HHIPL2: variants seen among roughly 807,000 people sequenced by gnomAD.
The protein encoded by HHIPL2 is HHIP-like protein 2.
Under a neutral mutation model 61.0 loss-of-function variants are expected in HHIPL2, and 61 were observed. That is an observed-to-expected ratio of 1.00 (90% CI 0.81 to 1.24). The LOEUF is 1.24. Ranked by LOEUF, HHIPL2 falls within the 50% of genes most tolerant of loss-of-function variation. HHIPL2 has a pLI of 0.00. For missense variants in HHIPL2, 885 were observed against 910.2 expected, an observed-to-expected ratio of 0.97 and a Z score of 0.36; for synonymous variants, 343 against 357.4, an observed-to-expected ratio of 0.96 and a Z score of 0.45.
rs574300642 is a variant in HHIPL2, at chr1:222,543,776, G to A, written c.735C>T (p.Leu245=). 3 of 1,614,114 alleles carry A rather than the reference G, an allele frequency of 1.9e-6. No homozygotes were observed. Among genetic ancestry groups the A allele is most frequent in the South Asian group, 1.1e-5 (1 of 91,078 alleles). The change falls in exon 2 of 9, where the codon CTC becomes CTT. Residue 245 remains leucine (L), a synonymous_variant. Transcript: ENST00000343410. ...GTTGCTCCAGGCGACTCCCATCAGG[G>A]AGGTAGACCCACACCACTCCTACCT... ...AEQVGVVWVY[L]PDGSRLEQPF... is the part of the protein sequence containing the mutation.
At chr1:222,535,362 T>A (rs1436346710) in intron 5 of HHIPL2, among the ~76,000 whole-genome samples, 1 of 152,320 alleles carries the variant, frequency 6.6e-6, no homozygotes, top group Admixed American at 6.5e-5. Flanking sequence ...GATAGAAACA[T>A]GCATCTACCC....
Position 222,544,013 on chromosome 1 carries a change from G to A in HHIPL2, c.498C>T (p.Thr166=). Residue 166 remains threonine (T), a synonymous_variant, in exon 2 of 9, where the codon ACC becomes ACT. Transcript: ENST00000343410. ...GAAGGTCCAGGAGGTGGCAGAAGCG[G>A]GTACCGTCCCTTCCATGAGACTCCT... ...GLQESHGRDG[T]RFCHLLDLPD... 3 of 1,614,096 alleles carry A rather than the reference G, an allele frequency of 1.9e-6. No individual in the cohort carries two copies. In the Admixed American group the frequency reaches 5.0e-5, roughly 27 times the overall value.
intron 4 of HHIPL2, among the ~76,000 whole-genome samples, chr1:222,539,335 T>C (rs1162559720): frequency 6.6e-6 from 1 of 151,638 alleles, no homozygotes; most frequent in East Asian, 1.9e-4. Flanking sequence ...ATCGAGACCA[T>C]CCTGGCCAAC....
At chr1:222,539,891 A>G (rs1279684925) in intron 4 of HHIPL2, 119 bp downstream of exon 4, 3 of 811,024 alleles carry the variant, frequency 3.7e-6, no homozygotes, top group Non-Finnish European at 5.9e-6. Flanking sequence ...ACACCACAGG[A>G]CACAAACAAG....
chr1:222,530,010 C>CTCTGGA (rs2102612269), intron 6 of HHIPL2, among the ~76,000 whole-genome samples: 1 of 152,278 alleles, frequency 6.6e-6, no homozygotes, highest in South Asian at 2.1e-4. Flanking sequence ...AACACAAGAG[C>CTCTGGA]AAGCAACTCT....
In HHIPL2 at chr1:222,541,998, C is replaced by T. The variant is rs552797798; in HGVS notation, c.1118+14G>A. ...ACTCTGAAGGGACAAGGGCCCGGCC[C>T]CCATCCAGCTTACTTGTTCTGAGCA... On this transcript the variant is annotated intron_variant, in intron 3 of 8. Transcript: ENST00000343410. 3.8e-6 allele frequency: 6 copies of T among 1,595,722 alleles called. No individual in the cohort carries two copies. Among genetic ancestry groups the T allele is most frequent in the African/African-American group, 1.4e-5 (1 of 73,672 alleles).
intron 5 of HHIPL2, among the ~76,000 whole-genome samples, chr1:222,538,328 T>C (rs1185944051): frequency 6.6e-6 from 1 of 151,254 alleles, no homozygotes; most frequent in Non-Finnish European, 1.5e-5. Context: ...GGAGACCCGA[T>C]CCCTTTGGCA....
chr1:222,526,127 G>A (rs538805452), intron 7 of HHIPL2, among the ~76,000 whole-genome samples: 1 of 152,254 alleles, frequency 6.6e-6, no homozygotes, highest in Non-Finnish European at 1.5e-5. Flanking sequence ...CTCTCAAGTG[G>A]GAAGTGGTAT....
intron 6 of HHIPL2, 23 bp from the exon 7 acceptor site, chr1:222,527,073 G>A: frequency 1.3e-6 from 2 of 1,571,262 alleles, no homozygotes; most frequent in Non-Finnish European, 1.7e-6. Flanking sequence ...AAATAGACAG[G>A]CAATAATGGG....
At chr1:222,536,640 C>G (rs1057449283) in intron 5 of HHIPL2, among the ~76,000 whole-genome samples, 4 of 152,188 alleles carry the variant, frequency 2.6e-5, no homozygotes, top group African/African-American at 7.2e-5. Context: ...CCTGTTTACC[C>G]TGATTCCAAA....
At chr1:222,527,661 C>A (rs1257835415) in intron 6 of HHIPL2, among the ~76,000 whole-genome samples, 2 of 152,142 alleles carry the variant, frequency 1.3e-5, no homozygotes, top group Non-Finnish European at 2.9e-5. Flanking sequence ...ACCCAAATCT[C>A]ATCTTGAATG....
rs773558257 is a variant in HHIPL2 at position 222,543,695 on chromosome 1, T to C, written c.816A>G (p.Arg272=). ...VLTTPWIGDE[R]GFLGLAFHPK... ...GGTGAAAAGCCAACCCCAAGAAGCCTCTCTCATCCCCGATCCATGGGGTGG... is the reference window on the plus strand; with the variant it reads ...GGTGAAAAGCCAACCCCAAGAAGCCCCTCTCATCCCCGATCCATGGGGTGG... The change falls in exon 2 of 9, where the codon AGA becomes AGG. Residue 272 remains arginine, a synonymous_variant. Transcript: ENST00000343410. The C allele has an allele frequency of 2.5e-6, 4 of 1,614,156 alleles. No homozygotes were observed. The South Asian group carries it at 4.4e-5, about 18-fold the overall frequency.
chr1:222,538,241 TGTGTGTG>T (rs1659346539), intron 5 of HHIPL2, among the ~76,000 whole-genome samples: 1 of 137,920 alleles, frequency 7.3e-6, no homozygotes, highest in Admixed American at 7.0e-5. Context: ...TGTGTGTGTG[TGTGTGTG>T]TATGTATGTC....
intron 5 of HHIPL2, among the ~76,000 whole-genome samples, chr1:222,536,583 A>G (rs1247870358): frequency 2.0e-5 from 3 of 152,252 alleles, no homozygotes; most frequent in Non-Finnish European, 2.9e-5. Context: ...TACCTATTTT[A>G]CACAAACTCT....
In HHIPL2 at chr1:222,522,549, T is replaced by G; in HGVS notation, c.*52A>C. The G allele has an allele frequency of 6.4e-7, 1 of 1,562,996 alleles. No individual in the cohort carries two copies. Among genetic ancestry groups the G allele is most frequent in the Non-Finnish European group, 8.7e-7 (1 of 1,150,578 alleles). ...TTATTCAGCAGTGACTTTCATTTGA[T>G]GAGGTGGCTCTCCTCTCTCACGTCA... is the stretch of plus-strand genomic sequence containing the variant. On this transcript the variant is annotated 3_prime_UTR_variant, in exon 9 of 9. Transcript: ENST00000343410.
At chr1:222,535,555 C>A (rs1339555833) in intron 5 of HHIPL2, among the ~76,000 whole-genome samples, 1 of 152,132 alleles carries the variant, frequency 6.6e-6, no homozygotes, top group African/African-American at 2.4e-5. Flanking sequence ...CAGGACTGTG[C>A]TCCCTCCAGA....
intron 8 of HHIPL2, among the ~76,000 whole-genome samples, chr1:222,523,294 G>A (rs556837871): frequency 1.3e-5 from 2 of 152,274 alleles, no homozygotes; most frequent in East Asian, 3.9e-4. Context: ...AGTGTTCATT[G>A]CTGTATCCCT....
chr1:222,547,609 G>A, intron 1 of HHIPL2, 115 bp downstream of exon 1: 1 of 870,798 alleles, frequency 1.1e-6, no homozygotes, highest in Non-Finnish European at 1.8e-6. Context: ...TCCAAGATGA[G>A]GCACCCGGCA....
chr1:222,525,095 A>C (rs1659031459), intron 7 of HHIPL2: 1 of 152,212 alleles, frequency 6.6e-6, no homozygotes, highest in Non-Finnish European at 1.5e-5. Flanking sequence ...CAACTTAAAA[A>C]AAAAAGGTGA....
Sources: gnomAD v4.1 joint callset for allele counts (sites outside exome capture counted in the v4.1 genomes callset) on GRCh38, gnomAD v4.1.1 for gene constraint, MANE v1.5 for transcripts, NCBI Gene and HGNC (gene_info 2026-07-23, HGNC 2026-07-21) for gene names.